CDK15: variants seen among roughly 807,000 people sequenced by gnomAD.
The protein encoded by CDK15 is cyclin dependent kinase 15.
Under a neutral mutation model 60.3 loss-of-function variants are expected in CDK15, and 62 were observed. That is an observed-to-expected ratio of 1.03 (90% confidence interval 0.84 to 1.27). The LOEUF (loss-of-function observed/expected upper bound fraction) is 1.27, where lower values mean the gene tolerates loss of function less well. Among genes scored for constraint, CDK15 ranks in the 50% most tolerant of loss-of-function variants. The probability of loss-of-function intolerance (pLI) is 0.00; values close to 1 mark genes in which losing one functional copy is unlikely to be tolerated. For synonymous variants in CDK15, 194 were observed against 195.7 expected (o/e 0.99, Z 0.07); for missense variants, 541 against 527.8 (o/e 1.03, Z -0.25).
Position 201,835,632 on chromosome 2 carries a change from CT to C in CDK15, c.731-7del. 2 of 1,600,620 alleles carry C rather than the reference CT, an allele frequency of 1.2e-6. No homozygotes were observed. The highest frequency in any genetic ancestry group is 1.1e-5 in the South Asian group (1 of 89,698). On this transcript the variant is annotated splice_polypyrimidine_tract_variant and intron_variant, in intron 7 of 13. Transcript: ENST00000652192. Reference sequence around the variant, plus strand: ...AGAACGATGGGTTTTATGCTTTTCCCTTTTGGACAGGTCTTGCCCGGGCCAA... The same window carrying C: ...AGAACGATGGGTTTTATGCTTTTCCCTTTGGACAGGTCTTGCCCGGGCCAA...
rs1015133031 is a variant in CDK15, at chr2:201,849,554, A to G, written c.945+2080A>G. Among the ~76,000 whole-genome samples, 4 of 152,174 alleles carry G rather than the reference A, an allele frequency of 2.6e-5. No homozygotes were observed. The East Asian group carries it at 7.7e-4, about 29-fold the overall frequency. ...GAAGCTATAAGCCAAGGGGGAAAAA[A>G]AAAAGAAGAATAAGAAAAACACATG... On this transcript the variant is annotated intron_variant, in intron 9 of 13. Transcript: ENST00000652192.
At chr2:201,849,159 G>C (rs1297346584) in intron 9 of CDK15, among the ~76,000 whole-genome samples, 1 of 152,140 alleles carries the variant, frequency 6.6e-6, no homozygotes, top group Non-Finnish European at 1.5e-5. Flanking sequence ...TCTGTAAAAT[G>C]GCAACAATGA....
Position 201,822,811 on chromosome 2 carries a change from T to A in CDK15, c.451T>A (p.Ser151Thr), listed in dbSNP as rs772931373. The A allele has an allele frequency of 1.3e-6, 2 of 1,595,184 alleles. No individual in the cohort carries two copies. The highest frequency in any genetic ancestry group is 2.7e-5 in the African/African-American group (2 of 74,478). The change falls in exon 5 of 14, where the codon TCT becomes ACT. Residue 151 changes from serine to threonine, a missense_variant and splice_region_variant. Ser to Thr is a moderately conservative substitution (Grantham distance 58). Coordinates refer to ENST00000652192, the MANE Select transcript of CDK15 (RefSeq NM_001366386.2). ...AACATTTTGTTTAATTTTTCTAGCTTCTCTCCTGAAGGGTTTGAAACATGC... is the reference window on the plus strand; with the variant it reads ...AACATTTTGTTTAATTTTTCTAGCTACTCTCCTGAAGGGTTTGAAACATGC... ...GVPFTAIREASLLKGLKHANI... is the reference protein window; with the variant it reads ...GVPFTAIREATLLKGLKHANI...
chr2:201,850,437 A>G (rs1697857652), intron 9 of CDK15, among the ~76,000 whole-genome samples: 1 of 152,122 alleles, frequency 6.6e-6, no homozygotes. Flanking sequence ...ACTCTTTAGG[A>G]CTCACAATGG....
chr2:201,852,995 T>C (rs965173608), intron 9 of CDK15, among the ~76,000 whole-genome samples: 4 of 152,240 alleles, frequency 2.6e-5, no homozygotes, highest in African/African-American at 9.6e-5. Flanking sequence ...ATTTCTTCTA[T>C]TGTTTTCTCT....
chr2:201,886,214 A>G (rs1394035863), intron 12 of CDK15, among the ~76,000 whole-genome samples: 1 of 152,200 alleles, frequency 6.6e-6, no homozygotes, highest in African/African-American at 2.4e-5. Context: ...TTTATGTTGA[A>G]TAGAGATTTA....
At chr2:201,841,841 A>G (rs937598921) in intron 8 of CDK15, among the ~76,000 whole-genome samples, 2 of 152,136 alleles carry the variant, frequency 1.3e-5, no homozygotes, top group Non-Finnish European at 2.9e-5. Context: ...CCCAACCAAC[A>G]TTCTCTCATC....
At position 201,880,127 on chromosome 2, in the gene CDK15, T is replaced by C. The variant is rs1315011707; in HGVS notation, c.1158T>C (p.Tyr386=). 3 of 1,614,088 alleles carry C rather than the reference T, an allele frequency of 1.9e-6. No homozygotes were observed. The South Asian group carries it at 3.3e-5, about 18-fold the overall frequency. ...CCCAGGAAGCACTTGTTCATGATTA[T>C]TTCAGCGCCCTGCCATCTCAGCTGT... ...VSAQEALVHD[Y]FSALPSQLYQ... Residue 386 remains tyrosine (Y), a synonymous_variant, in exon 12 of 14, where the codon TAT becomes TAC. Coordinates refer to ENST00000652192, the MANE Select transcript of CDK15 (RefSeq NM_001366386.2).
rs1015256523 is a variant in CDK15, at chr2:201,836,929, C to T, written c.851+1166C>T. On this transcript the variant is annotated intron_variant, in intron 8 of 13. Transcript: ENST00000652192. ...ATGTATCCTCTCTGTGTCTATGTTTCTCCATTTTTAAAAATGAAGGTAATA... is the reference window on the plus strand; with the variant it reads ...ATGTATCCTCTCTGTGTCTATGTTTTTCCATTTTTAAAAATGAAGGTAATA... Among the ~76,000 whole-genome samples the T allele has an allele frequency of 2.6e-5, 4 of 151,766 alleles. 1 individual carries two copies. The highest frequency in any genetic ancestry group is 9.7e-5 in the African/African-American group (4 of 41,310).
At chr2:201,822,971 A>C (rs1574858678) in intron 5 of CDK15, 68 bp downstream of exon 5, 1 of 912,090 alleles carries the variant, frequency 1.1e-6, no homozygotes, top group Non-Finnish European at 1.8e-6. Context: ...GAATCTGTTA[A>C]TATTTTATGG....
intron 6 of CDK15, among the ~76,000 whole-genome samples, chr2:201,826,674 G>A (rs1006710578): frequency 2.0e-4 from 30 of 152,054 alleles, no homozygotes; most frequent in African/African-American, 5.8e-4. Context: ...CCATTAGTGC[G>A]TTATGAAATC....
At chr2:201,826,458 CA>C (rs373198183) in intron 6 of CDK15, among the ~76,000 whole-genome samples, 2,082 of 77,908 alleles carry the variant, frequency 0.027, 15 homozygotes, top group African/African-American at 0.089. Flanking sequence ...GACTGCGTCT[CA>C]AAAAAAAAAA....
At chr2:201,818,857 A>G (rs1359351468) in intron 4 of CDK15, among the ~76,000 whole-genome samples, 1 of 152,188 alleles carries the variant, frequency 6.6e-6, no homozygotes, top group Non-Finnish European at 1.5e-5. Flanking sequence ...CCAACCAACT[A>G]GAGGTATAGA....
chr2:201,839,966 T>A (rs1448363986), intron 8 of CDK15, among the ~76,000 whole-genome samples: 2 of 142,084 alleles, frequency 1.4e-5, no homozygotes, highest in Non-Finnish European at 3.1e-5. Context: ...GCTGCTGGGG[T>A]TTTTTTTTTG....
intron 3 of CDK15, among the ~76,000 whole-genome samples, chr2:201,812,173 C>CAAAAA (rs56808760): frequency 2.8e-4 from 27 of 96,752 alleles, no homozygotes; most frequent in South Asian, 6.3e-4. Flanking sequence ...GATTCTGTCT[C>CAAAAA]AAAAAAAAAA....
intron 9 of CDK15, among the ~76,000 whole-genome samples, chr2:201,853,644 G>A (rs1021208459): frequency 2.0e-5 from 3 of 151,884 alleles, no homozygotes; most frequent in Non-Finnish European, 4.4e-5. Flanking sequence ...TGTAATGAAA[G>A]CTACTAGTGT....
chr2:201,809,046 C>T (rs1695639041), intron 3 of CDK15, among the ~76,000 whole-genome samples: 2 of 152,132 alleles, frequency 1.3e-5, no homozygotes, highest in African/African-American at 2.4e-5. Flanking sequence ...TGCCCCTGGC[C>T]CTTTATACTT....
Position 201,838,686 on chromosome 2 carries a change from T to C in CDK15, c.851+2923T>C, listed in dbSNP as rs138994157. On this transcript the variant is annotated intron_variant, in intron 8 of 13. Coordinates refer to ENST00000652192, the MANE Select transcript of CDK15 (RefSeq NM_001366386.2). ...CCTTCCCAACTGCTGGGATTACAGG[T>C]ATAAGCCACCGTGCCCAACCAATTA... 7.9e-5 allele frequency among the ~76,000 whole-genome samples: 12 copies of C among 152,100 alleles called. No individual in the cohort carries two copies. In the East Asian group the frequency reaches 2.1e-3, roughly 27 times the overall value.
intron 4 of CDK15, 68 bp downstream of exon 4, chr2:201,812,630 A>G: frequency 4.1e-6 from 4 of 966,574 alleles, no homozygotes; most frequent in Non-Finnish European, 6.5e-6. Context: ...AATGTATTGC[A>G]TTGATCCATT....
Sources: allele counts gnomAD v4.1 joint callset (sites outside exome capture counted in the v4.1 genomes callset), GRCh38; gene constraint gnomAD v4.1.1; transcripts MANE v1.5; gene names NCBI Gene and HGNC (gene_info 2026-07-23, HGNC 2026-07-21).